ZSCAN5A: variants seen among roughly 807,000 people sequenced by gnomAD.
ZSCAN5A encodes zinc finger and SCAN domain-containing protein 5A.
A neutral mutation model predicts 23.7 loss-of-function variants in ZSCAN5A; 12 were observed. The ratio of observed to expected loss-of-function variants is 0.51; its 90% CI spans 0.32 to 0.82. The LOEUF (loss-of-function observed/expected upper bound fraction) is 0.82. ZSCAN5A is among the 40% of genes least tolerant of loss of function. The probability of loss-of-function intolerance (pLI) is 0.03; values close to 1 mark genes in which losing one functional copy is unlikely to be tolerated. For synonymous variants in ZSCAN5A, 257 were observed against 239.9 expected, an observed-to-expected ratio of 1.07 and a Z score of -0.66; for missense variants, 597 against 617.9, an observed-to-expected ratio of 0.97 and a Z score of 0.36.
At chr19:56,288,562 G>A (rs1405337541) in intron 2 of ZSCAN5A, among the ~76,000 whole-genome samples, 3 of 152,168 alleles carry the variant, frequency 2.0e-5, no homozygotes, top group African/African-American at 4.8e-5. Context: ...TAGTCTGTGA[G>A]CTCCCTGAGC....
chr19:56,232,667 AT>A (rs531446931), intron 2 of ZSCAN5A, among the ~76,000 whole-genome samples: 6 of 150,862 alleles, frequency 4.0e-5, no homozygotes, highest in Non-Finnish European at 5.9e-5. Flanking sequence ...ATATAGGCTA[AT>A]TTTTTTTTCT....
chr19:56,274,657 A>G (rs1600153569), intron 2 of ZSCAN5A: 1 of 152,330 alleles, frequency 6.6e-6, no homozygotes, highest in Non-Finnish European at 1.5e-5. Context: ...CAAAACTATT[A>G]AAGAAATTAC....
chr19:56,289,624 G>GT (rs999638084), intron 2 of ZSCAN5A, among the ~76,000 whole-genome samples: 3 of 151,990 alleles, frequency 2.0e-5, no homozygotes, highest in Admixed American at 6.6e-5. Flanking sequence ...TTGTTTTTGG[G>GT]TTTTTTTGAG....
intron 2 of ZSCAN5A, among the ~76,000 whole-genome samples, chr19:56,329,692 A>T (rs990869999): frequency 7.3e-5 from 11 of 150,752 alleles, no homozygotes; most frequent in African/African-American, 1.2e-4. Context: ...TAAAAAACAT[A>T]AAAAAAAAGT....
At chr19:56,327,760 ATT>A (rs911169096) in intron 2 of ZSCAN5A, among the ~76,000 whole-genome samples, 2 of 151,592 alleles carry the variant, frequency 1.3e-5, no homozygotes, top group African/African-American at 4.8e-5. Flanking sequence ...TATGTAATCT[ATT>A]TTGTTTTTAC....
At position 56,302,455 on chromosome 19, in the gene ZSCAN5A, C is replaced by T. The variant is rs536910242; in HGVS notation, c.-128+10828G>A. Among the ~76,000 whole-genome samples the T allele has an allele frequency of 1.3e-4, 18 of 143,010 alleles. No individual in the cohort carries two copies. In the South Asian group the frequency reaches 2.8e-3, roughly 22 times the overall value. 93.8% of individuals were successfully genotyped at this position (143,010 alleles called of 152,430 possible). A position where few individuals can be genotyped will look rare whatever the true frequency, so the allele number is the denominator to read the frequency against. ...CCCTTCCTTCCTTTCTTCCTCTCTCCGTCTGCTTCCTCCCTCCCTTCTTCC... is the reference window on the plus strand; with the variant it reads ...CCCTTCCTTCCTTTCTTCCTCTCTCTGTCTGCTTCCTCCCTCCCTTCTTCC... On this transcript the variant is annotated intron_variant, in intron 2 of 5. Transcript: ENST00000683990.
At chr19:56,280,884 G>C (rs911608754) in intron 2 of ZSCAN5A, among the ~76,000 whole-genome samples, 1 of 152,112 alleles carries the variant, frequency 6.6e-6, no homozygotes, top group Admixed American at 6.6e-5. Context: ...ATGCTGTTTG[G>C]GGTACACACT....
At chr19:56,293,693 T>C (rs929179028) in intron 2 of ZSCAN5A, among the ~76,000 whole-genome samples, 2 of 152,152 alleles carry the variant, frequency 1.3e-5, no homozygotes, top group African/African-American at 2.4e-5. Flanking sequence ...TGATTCCCAA[T>C]TGGGGAGATT....
intron 2 of ZSCAN5A, chr19:56,284,095 T>G: frequency 1.1e-6 from 1 of 936,646 alleles, no homozygotes; most frequent in Non-Finnish European, 1.3e-6. Flanking sequence ...GTTTTTGGTT[T>G]TCTAATTATG....
intron 2 of ZSCAN5A, among the ~76,000 whole-genome samples, chr19:56,291,811 T>C (rs1189669554): frequency 1.3e-5 from 2 of 152,110 alleles, no homozygotes; most frequent in Non-Finnish European, 2.9e-5. Flanking sequence ...ATGGGATGTC[T>C]CATGGAAACC....
At chr19:56,233,179 C>T (rs2034606267) in intron 2 of ZSCAN5A, among the ~76,000 whole-genome samples, 1 of 152,130 alleles carries the variant, frequency 6.6e-6, no homozygotes. Context: ...GCAGCTCCAC[C>T]TACTAGTACA....
chr19:56,230,477 TCCATCA>T (rs913357331), intron 2 of ZSCAN5A, among the ~76,000 whole-genome samples: 14 of 152,332 alleles, frequency 9.2e-5, no homozygotes, highest in African/African-American at 3.4e-4. Flanking sequence ...AGTTAACATC[TCCATCA>T]CCTCACATAG....
chr19:56,252,124 A>G (rs923508296), intron 2 of ZSCAN5A, among the ~76,000 whole-genome samples: 9 of 152,264 alleles, frequency 5.9e-5, no homozygotes, highest in African/African-American at 1.9e-4. Context: ...AGAATGGAGC[A>G]GCACAATTGG....
intron 2 of ZSCAN5A, among the ~76,000 whole-genome samples, chr19:56,330,785 ACT>A (rs1396041232): frequency 6.6e-6 from 1 of 151,790 alleles, no homozygotes; most frequent in South Asian, 2.1e-4. Flanking sequence ...GTGGTCTGTT[ACT>A]CTGTTATTAG....
intron 2 of ZSCAN5A, among the ~76,000 whole-genome samples, chr19:56,280,305 A>G (rs540641579): frequency 4.5e-4 from 68 of 152,282 alleles, no homozygotes; most frequent in African/African-American, 1.6e-3. Context: ...TTGGCTGAAT[A>G]ATATTTCTTG....
At chr19:56,300,927 G>A (rs963519432) in intron 2 of ZSCAN5A, among the ~76,000 whole-genome samples, 159 of 152,262 alleles carry the variant, frequency 1.0e-3, no homozygotes, top group African/African-American at 3.7e-3. Flanking sequence ...CGACACGGTC[G>A]GATCTGGTGC....
At chr19:56,252,931 C>T (rs1442209434) in intron 2 of ZSCAN5A, among the ~76,000 whole-genome samples, 1 of 152,222 alleles carries the variant, frequency 6.6e-6, no homozygotes, top group Non-Finnish European at 1.5e-5. Context: ...ATAACAGGAG[C>T]AAGAAGAAAG....
At chr19:56,253,359 GGA>G (rs1568652160) in intron 2 of ZSCAN5A, among the ~76,000 whole-genome samples, 2 of 151,970 alleles carry the variant, frequency 1.3e-5, no homozygotes, top group Non-Finnish European at 1.5e-5. Context: ...AAAAAAAGAT[GGA>G]GAGAGAAATT....
Position 56,221,770 on chromosome 19 carries a change from T to C in ZSCAN5A, c.1296A>G (p.Arg432=). Residue 432 remains arginine (R), a synonymous_variant, in exon 6 of 6, where the codon AGA becomes AGG. Coordinates refer to ENST00000683990, the MANE Select transcript of ZSCAN5A (RefSeq NM_001322064.3). ...CGAAGGGCTTCTCCCCTGTGTGGCT[T>C]CTCTTGTGACACTTCAAGTAGGACT... The part of the protein sequence containing the change: ...TQKSYLKCHK[R]SHTGEKPFEC... The C allele has an allele frequency of 6.2e-7, 1 of 1,614,188 alleles. No individual in the cohort carries two copies. The highest frequency in any genetic ancestry group is 8.5e-7 in the Non-Finnish European group (1 of 1,180,022).
Sources: gnomAD v4.1 joint callset for allele counts (sites outside exome capture counted in the v4.1 genomes callset) on GRCh38, gnomAD v4.1.1 for gene constraint, MANE v1.5 for transcripts, NCBI Gene and HGNC (gene_info 2026-07-23, HGNC 2026-07-21) for gene names.